MIPEP: variants seen among roughly 807,000 people sequenced by gnomAD.
MIPEP encodes the protein mitochondrial intermediate peptidase.
In MIPEP, 79 loss-of-function variants were observed where a neutral mutation model predicts 90.3. The observed-to-expected ratio is 0.87, with a 90% CI of 0.73 to 1.05. MIPEP has a LOEUF of 1.05. MIPEP is among the 50% of genes least tolerant of loss of function. MIPEP has a pLI of 0.00. For synonymous variants in MIPEP, 334 were observed against 315.8 expected (o/e 1.06, Z -0.61); for missense variants, 940 against 905.6 (o/e 1.04, Z -0.49).
intron 3 of MIPEP, 108 bp from the exon 4 acceptor site, chr13:23,879,462 G>A: frequency 1.6e-6 from 1 of 642,404 alleles, no homozygotes; most frequent in Non-Finnish European, 2.7e-6. Flanking sequence ...CCCAGAAGCT[G>A]AACAGCATAA....
chr13:23,738,090 T>C (rs1202291857), intron 18 of MIPEP, among the ~76,000 whole-genome samples: 2 of 152,226 alleles, frequency 1.3e-5, no homozygotes, highest in African/African-American at 4.8e-5. Context: ...GTTTTTTCCA[T>C]TCATTCATCC....
At chr13:23,774,681 C>T (rs983640085) in intron 16 of MIPEP, among the ~76,000 whole-genome samples, 2 of 147,750 alleles carry the variant, frequency 1.4e-5, no homozygotes, top group Admixed American at 6.8e-5. Context: ...ATAGAACGGT[C>T]TTCTTAATTT....
At chr13:23,785,304 C>T (rs1952826311) in intron 16 of MIPEP, among the ~76,000 whole-genome samples, 2 of 152,086 alleles carry the variant, frequency 1.3e-5, no homozygotes, top group African/African-American at 4.8e-5. Context: ...GAATACTATG[C>T]AGCCATAAAA....
chr13:23,743,260 G>GGCTA (rs10675913), intron 18 of MIPEP, among the ~76,000 whole-genome samples: 25,139 of 152,002 alleles, frequency 0.17, 2,164 homozygotes, highest in South Asian at 0.23. Context: ...TAGCTACAAA[G>GGCTA]GCTAGCCTGG....
intron 18 of MIPEP, among the ~76,000 whole-genome samples, chr13:23,753,223 CAAA>C (rs765963824): frequency 7.8e-5 from 10 of 128,170 alleles, no homozygotes; most frequent in African/African-American, 1.1e-4. Flanking sequence ...GACTCCATCT[CAAA>C]AAAAAAAAAA....
intron 16 of MIPEP, among the ~76,000 whole-genome samples, chr13:23,801,641 T>C (rs1166623082): frequency 6.6e-6 from 1 of 152,228 alleles, no homozygotes; most frequent in Non-Finnish European, 1.5e-5. Flanking sequence ...TGTATTTATC[T>C]GACAATGTAC....
At chr13:23,747,613 T>A (rs1452175586) in intron 18 of MIPEP, 1 of 472,696 alleles carries the variant, frequency 2.1e-6, no homozygotes, top group Non-Finnish European at 4.2e-6. Context: ...ATATTTTTTT[T>A]CTTTTACATG....
chr13:23,785,668 GA>G (rs1187252448), intron 16 of MIPEP, among the ~76,000 whole-genome samples: 3 of 146,910 alleles, frequency 2.0e-5, no homozygotes, highest in African/African-American at 5.0e-5. Context: ...TCTAAAAAAA[GA>G]AAAAAAGGGT....
At chr13:23,785,803 T>C (rs1411915644) in intron 16 of MIPEP, among the ~76,000 whole-genome samples, 1 of 152,118 alleles carries the variant, frequency 6.6e-6, no homozygotes, top group Admixed American at 6.5e-5. Flanking sequence ...CAAATGATTA[T>C]CCAGCCTGGG....
chr13:23,875,023 TC>T, intron 4 of MIPEP, 114 bp from the exon 5 acceptor site: 7 of 474,142 alleles, frequency 1.5e-5, no homozygotes, highest in East Asian at 3.4e-5. Context: ...AAAAGTTTCT[TC>T]AAAACACACA....
chr13:23,860,364 T>C (rs568891877), intron 9 of MIPEP, among the ~76,000 whole-genome samples: 8 of 152,292 alleles, frequency 5.3e-5, no homozygotes, highest in Non-Finnish European at 1.0e-4. Flanking sequence ...GGCCGGCACG[T>C]AAATATTAAT....
At chr13:23,735,886 C>A (rs2035467208) in intron 18 of MIPEP, among the ~76,000 whole-genome samples, 2 of 151,424 alleles carry the variant, frequency 1.3e-5, no homozygotes, top group South Asian at 4.2e-4. Context: ...ATGAACTAAA[C>A]CCTACACAGA....
At chr13:23,805,857 T>A (rs1212591860) in intron 16 of MIPEP, 93 bp downstream of exon 16, 1 of 1,398,492 alleles carries the variant, frequency 7.2e-7, no homozygotes, top group East Asian at 2.4e-5. Context: ...ATGTAGGGAT[T>A]TCAAGTTCTC....
At chr13:23,803,864 T>G (rs1375321011) in intron 16 of MIPEP, among the ~76,000 whole-genome samples, 1 of 152,152 alleles carries the variant, frequency 6.6e-6, no homozygotes, top group Admixed American at 6.6e-5. Flanking sequence ...AGACACTTTT[T>G]TTTAAAGGCA....
chr13:23,789,762 A>T (rs1952881919), intron 16 of MIPEP, among the ~76,000 whole-genome samples: 1 of 152,046 alleles, frequency 6.6e-6, no homozygotes, highest in South Asian at 2.1e-4. Flanking sequence ...GGCTTTCCTC[A>T]TCCTACGCCC....
chr13:23,735,529 C>A (rs528978819), intron 18 of MIPEP, among the ~76,000 whole-genome samples: 17 of 152,218 alleles, frequency 1.1e-4, no homozygotes, highest in Non-Finnish European at 2.2e-4. Flanking sequence ...CAACAAACTG[C>A]CAATATAAAT....
At chr13:23,882,071 C>CTT (rs553989994) in intron 2 of MIPEP, among the ~76,000 whole-genome samples, 5 of 98,500 alleles carry the variant, frequency 5.1e-5, no homozygotes, top group African/African-American at 7.7e-5. Context: ...TTCTTTCTTT[C>CTT]TTTTTTTTTT....
At chr13:23,878,477 T>C (rs1436102028) in intron 4 of MIPEP, among the ~76,000 whole-genome samples, 1 of 151,770 alleles carries the variant, frequency 6.6e-6, no homozygotes, top group Admixed American at 6.6e-5. Context: ...GGAGACAAAA[T>C]AGAAGGAAAC....
chr13:23,863,887 T>C (rs566021764), intron 8 of MIPEP, among the ~76,000 whole-genome samples: 107 of 152,328 alleles, frequency 7.0e-4, no homozygotes, highest in African/African-American at 2.3e-3. Context: ...TTGGTAAAGA[T>C]TTTTAAAGTG....
Sources: allele counts gnomAD v4.1 joint callset (sites outside exome capture counted in the v4.1 genomes callset), GRCh38; gene constraint gnomAD v4.1.1; transcripts MANE v1.5; gene names NCBI Gene and HGNC (gene_info 2026-07-23, HGNC 2026-07-21).